NUB1: variants seen among roughly 807,000 people sequenced by gnomAD.
The protein encoded by NUB1 is NEDD8 ultimate buster 1.
Under a neutral mutation model 77.1 loss-of-function variants are expected in NUB1, and 41 were observed. The observed-to-expected ratio is 0.53, with a 90% CI of 0.41 to 0.69. The LOEUF (loss-of-function observed/expected upper bound fraction) is 0.69. NUB1 is among the 30% of genes least tolerant of loss of function. The pLI is 0.00. For missense variants in NUB1, 643 were observed against 743.8 expected (o/e 0.86, Z 1.58); for synonymous variants, 257 against 281.0 (o/e 0.91, Z 0.85).
intron 13 of NUB1, chr7:151,376,369 G>C (rs1798247396): frequency 2.0e-6 from 1 of 510,930 alleles, no homozygotes; most frequent in African/African-American, 1.9e-5. Context: ...TCGTGGTGAG[G>C]CTGGTGTGGC....
chr7:151,348,237 A>G (rs79560277), intron 2 of NUB1, among the ~76,000 whole-genome samples: 4,897 of 152,148 alleles, frequency 0.032, 121 homozygotes, highest in Non-Finnish European at 0.05. Flanking sequence ...AGCCCTTTCA[A>G]TCTTCTTTTT....
intron 4 of NUB1, 147 bp from the exon 5 acceptor site, chr7:151,352,665 A>G: frequency 1.6e-6 from 1 of 612,370 alleles, no homozygotes; most frequent in East Asian, 3.1e-5. Context: ...CTGGTCTTGA[A>G]TTCCTGGGCT....
chr7:151,375,999 G>C, intron 13 of NUB1, 56 bp downstream of exon 13: 1 of 1,070,144 alleles, frequency 9.3e-7, no homozygotes, highest in Admixed American at 1.7e-5. Context: ...GGGTTGCTTG[G>C]GGTAACCCGG....
rs1038766239 is a variant in NUB1, at chr7:151,370,650, G to A, written c.1248+1763G>A. 7.3e-5 allele frequency among the ~76,000 whole-genome samples: 11 copies of A among 151,026 alleles called. No homozygotes were observed. The East Asian group carries it at 7.8e-4, about 11-fold the overall frequency. Reference sequence around the variant, plus strand: ...GCTGGTGCGCTGCACCCATTAACTCGTCATTTAGCATTAGGTATATCTCCT... The same window carrying A: ...GCTGGTGCGCTGCACCCATTAACTCATCATTTAGCATTAGGTATATCTCCT... On this transcript the variant is annotated intron_variant, in intron 11 of 14. Coordinates refer to ENST00000568733, the MANE Select transcript of NUB1 (RefSeq NM_001243351.2).
At chr7:151,351,379 A>G (rs1237612488) in intron 3 of NUB1, 45 bp from the exon 4 acceptor site, 15 of 1,421,482 alleles carry the variant, frequency 1.1e-5, no homozygotes, top group Non-Finnish European at 1.5e-5. Flanking sequence ...TCTCTCCAAA[A>G]TGGGTTAAAT....
chr7:151,374,366 T>A, intron 12 of NUB1, 123 bp downstream of exon 12: 1 of 1,269,486 alleles, frequency 7.9e-7, no homozygotes, highest in Non-Finnish European at 1.1e-6. Context: ...CATCCGGATC[T>A]GAAGGGCAGG....
chr7:151,360,381 T>C, intron 8 of NUB1, 134 bp downstream of exon 8: 1 of 498,410 alleles, frequency 2.0e-6, no homozygotes, highest in Non-Finnish European at 3.6e-6. Flanking sequence ...AGTTATGGTG[T>C]AAACTGGTGA....
At chr7:151,345,006 G>A (rs1047475895) in intron 1 of NUB1, among the ~76,000 whole-genome samples, 150 of 151,336 alleles carry the variant, frequency 9.9e-4, no homozygotes, top group East Asian at 2.8e-3. Flanking sequence ...TCTCAAAAAA[G>A]AAAAAAAGAA....
At position 151,376,709 on chromosome 7, in the gene NUB1, G is replaced by A. The variant is rs1430976583; in HGVS notation, c.1567G>A (p.Ala523Thr). The change falls in exon 14 of 15, where the codon GCC (alanine) becomes ACC (threonine). Residue 523 changes from alanine to threonine, a missense_variant. Physicochemically the swap from Ala to Thr is moderately conservative, Grantham distance 58 (BLOSUM62 0). Coordinates refer to ENST00000568733, the MANE Select transcript of NUB1 (RefSeq NM_001243351.2). ...GTTCAGAGGCAACGTCCAGCTGGCC[G>A]CCCAGACCCTTGCTCACAACGGAGG... ...RVFRGNVQLA[A>T]QTLAHNGGSL... The A allele has an allele frequency of 1.4e-5, 23 of 1,608,520 alleles. No individual in the cohort carries two copies. Among genetic ancestry groups the A allele is most frequent in the East Asian group, 9.0e-5 (4 of 44,658 alleles).
At chr7:151,368,169 A>G (rs1797781426) in intron 10 of NUB1, among the ~76,000 whole-genome samples, 1 of 152,214 alleles carries the variant, frequency 6.6e-6, no homozygotes, top group South Asian at 2.1e-4. Context: ...AAAGACAGTG[A>G]CTTTAATTGG....
At position 151,341,861 on chromosome 7, in the gene NUB1, GC is replaced by G. The variant is rs1796218520; in HGVS notation, c.-3+17del. 6.7e-7 allele frequency: 1 copy of G among 1,496,624 alleles called. No homozygotes were observed. Among genetic ancestry groups the G allele is most frequent in the Admixed American group, 2.2e-5 (1 of 45,174 alleles). 92.7% of individuals were successfully genotyped at this position (1,496,624 alleles called of 1,614,324 possible). ...GCGTGGCGCAGGTGAGGACACGGCGGCCGAGTGTCCTCGACCCCAGCCTCAG... is the reference window on the plus strand; with the variant it reads ...GCGTGGCGCAGGTGAGGACACGGCGGCGAGTGTCCTCGACCCCAGCCTCAG... On this transcript the variant is annotated intron_variant, in intron 1 of 14. Coordinates refer to ENST00000568733, the MANE Select transcript of NUB1 (RefSeq NM_001243351.2).
chr7:151,344,808 T>C (rs1796405480), intron 1 of NUB1, among the ~76,000 whole-genome samples: 3 of 152,086 alleles, frequency 2.0e-5, no homozygotes, highest in South Asian at 4.1e-4. Flanking sequence ...GAGACCAGCC[T>C]GGCCAACATG....
At chr7:151,351,548 C>A in intron 4 of NUB1, 66 bp downstream of exon 4, 1 of 1,129,600 alleles carries the variant, frequency 8.9e-7, no homozygotes, top group Non-Finnish European at 1.3e-6. Flanking sequence ...ATTTGATCCT[C>A]TGTGAGCGTC....
intron 5 of NUB1, among the ~76,000 whole-genome samples, chr7:151,354,231 A>G (rs1796952981): frequency 6.7e-6 from 1 of 149,900 alleles, no homozygotes. Context: ...CCCTGTTCCT[A>G]TATTTTCTGT....
chr7:151,360,002 CT>C lies in NUB1; in HGVS notation c.694-137del. ...TAAAGCTTTAATTAATTATATTTTT[CT>C]TAATTTTGGCTTTTAGATTGAGTTA... On this transcript the variant is annotated intron_variant, in intron 7 of 14. Transcript: ENST00000568733. 7.7e-6 allele frequency: 4 copies of C among 518,426 alleles called. No individual in the cohort carries two copies. In the South Asian group the frequency reaches 1.3e-4, roughly 17 times the overall value. The allele number at this position is 518,426 out of a possible 1,614,324, so 32.1% of individuals were successfully genotyped here.
At chr7:151,368,981 C>T (rs892743026) in intron 11 of NUB1, 94 bp downstream of exon 11, 1 of 1,278,686 alleles carries the variant, frequency 7.8e-7, no homozygotes, top group Non-Finnish European at 1.0e-6. Flanking sequence ...CTCTTTATTA[C>T]TCCAGATTGG....
chr7:151,353,328 G>A (rs1248540931), intron 5 of NUB1, among the ~76,000 whole-genome samples: 1 of 152,052 alleles, frequency 6.6e-6, no homozygotes, highest in East Asian at 1.9e-4. Context: ...ATGAGGGGAG[G>A]GGAGTGCTTT....
Position 151,349,215 on chromosome 7 carries a change from T to A in NUB1, c.260T>A (p.Val87Glu). 1 of 1,611,266 alleles carries A rather than the reference T, an allele frequency of 6.2e-7. No individual in the cohort carries two copies. The highest frequency in any genetic ancestry group is 8.5e-7 in the Non-Finnish European group (1 of 1,179,040). ...ACAACGGGAATTGCTACAATCGAGG[T>A]GTTTTTACCACCAAGACTAAAAAAA... is the stretch of plus-strand genomic sequence containing the variant. ...YRTTGIATIEVFLPPRLKKDR... is the reference protein window; with the variant it reads ...YRTTGIATIEEFLPPRLKKDR... The change falls in exon 3 of 15, where the codon GTG becomes GAG. Residue 87 changes from valine (V) to glutamate (E), a missense_variant. Coordinates refer to ENST00000568733, the MANE Select transcript of NUB1 (RefSeq NM_001243351.2).
At chr7:151,357,291 CTT>C (rs1487725524) in intron 7 of NUB1, among the ~76,000 whole-genome samples, 1 of 149,218 alleles carries the variant, frequency 6.7e-6, no homozygotes, top group Non-Finnish European at 1.5e-5. Flanking sequence ...GCCTGGCTAA[CTT>C]TTGTATTTTT....
Sources: gnomAD v4.1 joint callset for allele counts (sites outside exome capture counted in the v4.1 genomes callset) on GRCh38, gnomAD v4.1.1 for gene constraint, MANE v1.5 for transcripts, NCBI Gene and HGNC (gene_info 2026-07-23, HGNC 2026-07-21) for gene names.